The following CEACAM18 variants were observed in gnomAD, a reference collection of about 807,000 sequenced individuals.
The protein encoded by CEACAM18 is CEA cell adhesion molecule 18, also known as cell adhesion molecule CEACAM18.
A neutral mutation model predicts 34.3 loss-of-function variants in CEACAM18; 33 were observed. The ratio of observed to expected loss-of-function variants is 0.96; its 90% CI spans 0.73 to 1.29. The LOEUF (loss-of-function observed/expected upper bound fraction) is 1.29, where lower values mean the gene tolerates loss of function less well. CEACAM18 is among the 50% of genes most tolerant of loss of function. The pLI, the probability that CEACAM18 is intolerant of heterozygous loss-of-function variation, is 0.00. For synonymous variants in CEACAM18, 169 were observed against 180.9 expected, an observed-to-expected ratio of 0.93 and a Z score of 0.53; for missense variants, 474 against 485.0, an observed-to-expected ratio of 0.98 and a Z score of 0.21.
At chr19:51,480,166 G>T (rs1989885201) in intron 1 of CEACAM18, among the ~76,000 whole-genome samples, 167 bp from the exon 2 acceptor site, 1 of 152,142 alleles carries the variant, frequency 6.6e-6, no homozygotes, top group African/African-American at 2.4e-5. Context: ...CTGAGGGGAG[G>T]CACAGGAGGG....
chr19:51,484,969 G>A lies in CEACAM18; in HGVS notation c.954-18G>A, dbSNP rs1374541718. The stretch of plus-strand genomic sequence containing the variant: ...GGGTCAATCGTGGTCCTGACCCCCA[G>A]GTGTCCTCTTCCTTCAGGGATCTTA... On this transcript the variant is annotated intron_variant, in intron 4 of 5. Transcript: ENST00000396477. 6.5e-7 allele frequency: 1 copy of A among 1,536,068 alleles called. No individual in the cohort carries two copies. Among genetic ancestry groups the A allele is most frequent in the Non-Finnish European group, 8.7e-7 (1 of 1,146,880 alleles).
At chr19:51,480,412 G>C (rs551026819) in exon 2 of CEACAM18, 1 of 1,613,254 alleles carries the variant, frequency 6.2e-7, no homozygotes, top group Non-Finnish European at 8.5e-7. Flanking sequence ...AGGGATATCG[G>C]ACTGTCGTGG....
chr19:51,488,640 G>T (rs749491726), intron 5 of CEACAM18, among the ~76,000 whole-genome samples: 5 of 152,212 alleles, frequency 3.3e-5, no homozygotes, highest in Non-Finnish European at 7.3e-5. Context: ...GCTGAGAAGG[G>T]GTGGGCCCCT....
upstream of CEACAM18, chr19:51,478,603 T>G: frequency 6.4e-7 from 1 of 1,561,858 alleles, no homozygotes; most frequent in African/African-American, 1.4e-5. Context: ...TGGCTGTGTC[T>G]CTGGAGGGAC....
chr19:51,480,364 C>G (rs1568523013), exon 2 of CEACAM18: 1 of 1,611,812 alleles, frequency 6.2e-7, no homozygotes. Flanking sequence ...TCTGCCAGGC[C>G]TCTGGCCAAA....
intron 5 of CEACAM18, among the ~76,000 whole-genome samples, chr19:51,490,016 C>G (rs1485966034): frequency 6.6e-6 from 1 of 152,176 alleles, no homozygotes; most frequent in Non-Finnish European, 1.5e-5. Flanking sequence ...GCCATGTTCT[C>G]TATGGTCTGG....
At chr19:51,490,864 C>G in exon 6 of CEACAM18, 1 of 381,024 alleles carries the variant, frequency 2.6e-6, no homozygotes, top group East Asian at 3.7e-5. Context: ...CTTCATCTGC[C>G]AATCAGAGCT....
exon 2 of CEACAM18, chr19:51,480,428 G>T (rs375509229): frequency 1.2e-6 from 2 of 1,613,536 alleles, no homozygotes; most frequent in Non-Finnish European, 8.5e-7. Flanking sequence ...CGTGGCCCTG[G>T]ATAAGGTCCC....
chr19:51,481,512 C>T, exon 3 of CEACAM18: 1 of 1,614,024 alleles, frequency 6.2e-7, no homozygotes, highest in Non-Finnish European at 8.5e-7. Context: ...GAATGATGTG[C>T]CTACCTCTAG....
At chr19:51,480,403 G>C (rs761718667) in exon 2 of CEACAM18, 4 of 1,613,176 alleles carry the variant, frequency 2.5e-6, no homozygotes, top group Non-Finnish European at 3.4e-6. Context: ...TGGGGATCAA[G>C]GGATATCGGA....
At chr19:51,481,488 A>G in exon 3 of CEACAM18, 1 of 1,614,036 alleles carries the variant, frequency 6.2e-7, no homozygotes, top group South Asian at 1.1e-5. Context: ...TGTCACCAAC[A>G]TCACGTGGTA....
chr19:51,483,103 G>T lies in CEACAM18; in HGVS notation c.760G>T (p.Glu254Ter). ...TGAGATCGGCTCCCAAGTGGAAATG[G>T]AGTGTATCTGCTATTCCTTCCTGGA... The change falls in exon 4 of 6, where the codon GAG becomes TAG. Residue 254 changes from glutamate (E) to a stop codon, truncating the protein, a stop_gained. Coordinates refer to ENST00000396477, the Ensembl canonical transcript of CEACAM18. LOFTEE classifies it high-confidence loss of function. 1 of 1,614,058 alleles carries T rather than the reference G, an allele frequency of 6.2e-7. No individual in the cohort carries two copies. Among genetic ancestry groups the T allele is most frequent in the African/African-American group, 1.3e-5 (1 of 75,052 alleles).
At chr19:51,480,674 G>T (rs200329228) in exon 2 of CEACAM18, 2 of 1,610,534 alleles carry the variant, frequency 1.2e-6, no homozygotes, top group Non-Finnish European at 1.7e-6. Flanking sequence ...CTGGCTGGAG[G>T]TTCTAGGTGG....
chr19:51,484,142 A>G (rs150389623), intron 4 of CEACAM18, among the ~76,000 whole-genome samples: 2 of 152,292 alleles, frequency 1.3e-5, no homozygotes, highest in Non-Finnish European at 2.9e-5. Context: ...GAAACTGTGC[A>G]AGAAAGTACA....
chr19:51,480,537 C>T, exon 2 of CEACAM18: 1 of 1,613,928 alleles, frequency 6.2e-7, no homozygotes, highest in Non-Finnish European at 8.5e-7. Flanking sequence ...CAGCCTGGGC[C>T]CATGTACACT....
exon 3 of CEACAM18, chr19:51,481,660 T>C (rs1029563124): frequency 1.9e-6 from 3 of 1,610,876 alleles, no homozygotes; most frequent in Non-Finnish European, 2.5e-6. Context: ...TCTCTGACTG[T>C]GGCCTGTGAG....
exon 6 of CEACAM18, chr19:51,490,695 G>A (rs1413990967): frequency 8.9e-7 from 1 of 1,124,800 alleles, no homozygotes; most frequent in Non-Finnish European, 1.1e-6. Context: ...CATAGGGCCA[G>A]CGAGGCTGAA....
rs746180034 is a variant in CEACAM18, at chr19:51,484,952, C to T, written c.954-35C>T. On this transcript the variant is annotated intron_variant, in intron 4 of 5. Coordinates refer to ENST00000396477, the Ensembl canonical transcript of CEACAM18. The stretch of plus-strand genomic sequence containing the variant: ...TGAGTGAATGCATGAATGGGTCAAT[C>T]GTGGTCCTGACCCCCAGGTGTCCTC... 33 of 1,535,432 alleles carry T rather than the reference C, an allele frequency of 2.1e-5. No individual in the cohort carries two copies. The East Asian group carries it at 2.4e-4, about 11-fold the overall frequency.
intron 5 of CEACAM18, among the ~76,000 whole-genome samples, chr19:51,486,427 G>A (rs895237346): frequency 3.3e-5 from 5 of 152,128 alleles, no homozygotes; most frequent in Non-Finnish European, 7.4e-5. Flanking sequence ...GGGTCAGCAG[G>A]TTGCATCATT....
Sources: gnomAD v4.1 joint callset for allele counts (sites outside exome capture counted in the v4.1 genomes callset) on GRCh38, gnomAD v4.1.1 for gene constraint, MANE v1.5 for transcripts, NCBI Gene and HGNC (gene_info 2026-07-23, HGNC 2026-07-21) for gene names.